Variants in GLIS3 observed in about 807,000 individuals in gnomAD.
GLIS3 encodes the protein GLIS family zinc finger 3.
Under a neutral mutation model 78.6 loss-of-function variants are expected in GLIS3, and 53 were observed. The observed-to-expected ratio is 0.67, with a 90% CI of 0.54 to 0.85. The LOEUF (loss-of-function observed/expected upper bound fraction) is 0.85. Among genes scored for constraint, GLIS3 ranks in the 40% least tolerant of loss-of-function variants. GLIS3 has a pLI of 0.00. For synonymous variants in GLIS3, 684 were observed against 509.9 expected, an observed-to-expected ratio of 1.34 and a Z score of -4.60; for missense variants, 1,703 against 1,231.1, an observed-to-expected ratio of 1.38 and a Z score of -5.74.
At chr9:4,217,886 T>C (rs1486985366) in intron 2 of GLIS3, among the ~76,000 whole-genome samples, 1 of 152,166 alleles carries the variant, frequency 6.6e-6, no homozygotes, top group Non-Finnish European at 1.5e-5. Context: ...CAACAGACAA[T>C]AATGGCCTCT....
At chr9:3,988,541 G>T (rs1384436352) in intron 4 of GLIS3, among the ~76,000 whole-genome samples, 1 of 152,120 alleles carries the variant, frequency 6.6e-6, no homozygotes, top group Non-Finnish European at 1.5e-5. Context: ...TCAAGACAAT[G>T]TGGTATTGAT....
rs989861188 is a variant in GLIS3 at position 3,968,244 on chromosome 9, A to G, written c.1711-31055T>C. Among the ~76,000 whole-genome samples the G allele has an allele frequency of 7.2e-5, 11 of 152,212 alleles. 1 individual carries two copies. The highest frequency in any genetic ancestry group is 2.7e-4 in the African/African-American group (11 of 41,448). On this transcript the variant is annotated intron_variant, in intron 4 of 10. Coordinates refer to ENST00000381971, the MANE Select transcript of GLIS3 (RefSeq NM_001042413.2). ...ATCGTCAGCAGGAAGCCTCACCTTT[A>G]ATGGCTTTCAAAGTTCTTCTAACTG... is the stretch of plus-strand genomic sequence containing the variant.
chr9:3,879,033 T>A (rs1821532014), intron 8 of GLIS3, among the ~76,000 whole-genome samples: 1 of 152,168 alleles, frequency 6.6e-6, no homozygotes, highest in South Asian at 2.1e-4. Context: ...GCAGCCTACA[T>A]AAAATCCTGT....
intron 4 of GLIS3, among the ~76,000 whole-genome samples, chr9:4,052,811 T>G (rs923374965): frequency 1.3e-5 from 2 of 152,246 alleles, no homozygotes; most frequent in African/African-American, 4.8e-5. Context: ...TTTAAATGTC[T>G]GTTTTTAATT....
At chr9:4,378,575 C>G in the GLIS3 span, among the ~76,000 whole-genome samples, 1 of 152,130 alleles carries the variant, frequency 6.6e-6, no homozygotes, top group Admixed American at 6.5e-5. Context: ...AACCCTACAT[C>G]AATCCTACAA....
intron 9 of GLIS3, among the ~76,000 whole-genome samples, chr9:3,834,234 C>G (rs1346914304): frequency 1.3e-5 from 2 of 152,036 alleles, no homozygotes; most frequent in Non-Finnish European, 2.9e-5. Context: ...GATAAAGCAG[C>G]CCCATAAAGC....
intron 2 of GLIS3, among the ~76,000 whole-genome samples, chr9:4,213,012 G>A (rs1820509263): frequency 6.6e-6 from 1 of 152,186 alleles, no homozygotes; most frequent in Non-Finnish European, 1.5e-5. Context: ...TGGAGATTGT[G>A]ACCTGGGCTG....
chr9:4,339,120 C>G (rs797012763), intron 2 of GLIS3, among the ~76,000 whole-genome samples: 67 of 152,304 alleles, frequency 4.4e-4, no homozygotes, highest in African/African-American at 1.4e-3. Context: ...GGAGGATAAA[C>G]TCAACACCTC....
chr9:4,210,897 C>T (rs1007702214), intron 2 of GLIS3, among the ~76,000 whole-genome samples: 1 of 152,194 alleles, frequency 6.6e-6, no homozygotes, highest in African/African-American at 2.4e-5. Flanking sequence ...TCCACACACC[C>T]CTACCCTCCC....
At chr9:4,356,089 A>C in the GLIS3 span, among the ~76,000 whole-genome samples, 1 of 152,230 alleles carries the variant, frequency 6.6e-6, no homozygotes, top group African/African-American at 2.4e-5. Flanking sequence ...GTCTTGGCCA[A>C]GTCAATCCAA....
At chr9:4,060,854 C>T (rs974436394) in intron 4 of GLIS3, among the ~76,000 whole-genome samples, 10 of 152,130 alleles carry the variant, frequency 6.6e-5, no homozygotes, top group Non-Finnish European at 1.3e-4. Context: ...GTAGTTCATC[C>T]AGCCTCTGCC....
chr9:4,224,359 C>T (rs1322581853), intron 2 of GLIS3, among the ~76,000 whole-genome samples: 1 of 152,192 alleles, frequency 6.6e-6, no homozygotes, highest in African/African-American at 2.4e-5. Flanking sequence ...TGTCATCTGG[C>T]CGTCTCACTG....
chr9:4,103,186 T>C (rs1443690305), intron 4 of GLIS3, among the ~76,000 whole-genome samples: 3 of 152,182 alleles, frequency 2.0e-5, no homozygotes, highest in Admixed American at 1.3e-4. Context: ...AGGTTTTTCA[T>C]TTAGCTGTTT....
chr9:3,891,611 A>T (rs890055822), intron 7 of GLIS3, among the ~76,000 whole-genome samples: 6 of 152,176 alleles, frequency 3.9e-5, no homozygotes, highest in African/African-American at 1.4e-4. Context: ...CTGAGGCAGG[A>T]GGATGACTTG....
At chr9:3,969,739 T>C (rs540409019) in intron 4 of GLIS3, among the ~76,000 whole-genome samples, 75 of 152,356 alleles carry the variant, frequency 4.9e-4, no homozygotes, top group African/African-American at 1.8e-3. Flanking sequence ...CCCTTGTTTC[T>C]GAGTTCCATG....
rs150958338 is a variant in GLIS3, at chr9:4,312,241, G to A, written n.265-1713C>T. Among the ~76,000 whole-genome samples, 20 of 152,332 alleles carry A rather than the reference G, an allele frequency of 1.3e-4. No homozygotes were observed. The East Asian group carries it at 3.8e-3, about 29-fold the overall frequency. On this transcript the variant is annotated intron_variant and non_coding_transcript_variant, in intron 2 of 4. Transcript: ENST00000471664. ...CCAGCATTTTGGGAGGCCAAGGCTG[G>A]CGGATCACTTGAGGTCAGGAGTTCA...
At chr9:4,429,545 T>C in the GLIS3 span, among the ~76,000 whole-genome samples, 1 of 152,178 alleles carries the variant, frequency 6.6e-6, no homozygotes. Flanking sequence ...TTGTTAAGAA[T>C]CTTGTCACAT....
chr9:3,976,444 C>T (rs925217350), intron 4 of GLIS3, among the ~76,000 whole-genome samples: 4 of 151,810 alleles, frequency 2.6e-5, no homozygotes, highest in Non-Finnish European at 5.9e-5. Flanking sequence ...GACAAGAAAG[C>T]GATGGCAGAT....
chr9:4,170,400 C>G (rs1298708010), intron 2 of GLIS3, among the ~76,000 whole-genome samples: 2 of 143,316 alleles, frequency 1.4e-5, no homozygotes, highest in African/African-American at 4.9e-5. Context: ...TGCACTGTTC[C>G]AGTCAATTTT....
Sources: allele counts gnomAD v4.1 joint callset (sites outside exome capture counted in the v4.1 genomes callset), GRCh38; gene constraint gnomAD v4.1.1; transcripts MANE v1.5; gene names NCBI Gene and HGNC (gene_info 2026-07-23, HGNC 2026-07-21).